STAT2: variants seen among roughly 807,000 people sequenced by gnomAD.
The protein encoded by STAT2 is signal transducer and activator of transcription 2.
Under a neutral mutation model 122.3 loss-of-function variants are expected in STAT2, and 51 were observed. The observed-to-expected ratio is 0.42, with a 90% CI of 0.33 to 0.53. The LOEUF is 0.53. STAT2 is among the 20% of genes least tolerant of loss of function. STAT2 has a pLI of 0.10. For synonymous variants in STAT2, 351 were observed against 394.9 expected (o/e 0.89, Z 1.32); for missense variants, 736 against 1,010.3 (o/e 0.73, Z 3.68).
Position 56,351,397 on chromosome 12 carries a change from A to G in STAT2, c.836T>C (p.Leu279Pro). 6.2e-7 allele frequency: 1 copy of G among 1,614,106 alleles called. No individual in the cohort carries two copies. Among genetic ancestry groups the G allele is most frequent in the Non-Finnish European group, 8.5e-7 (1 of 1,180,024 alleles). The change falls in exon 9 of 24, where the codon CTG becomes CCG. Residue 279 changes from leucine to proline, a missense_variant. Physicochemically the swap from Leu to Pro is moderately conservative, Grantham distance 98. Coordinates refer to ENST00000314128, the MANE Select transcript of STAT2 (RefSeq NM_005419.4). Reference protein sequence around the residue: ...LFHLRQLLKELKGLSCLVSYQ... With the variant: ...LFHLRQLLKEPKGLSCLVSYQ... The stretch of plus-strand genomic sequence containing the variant: ...GCTAACCAGGCAACTCAGTCCCTTC[A>G]GCTCCTTCAGCAGCTGCCTCAGGTG...
rs1449393986 is a variant in STAT2 at position 56,355,368 on chromosome 12, AC to A, written c.472-18del. On this transcript the variant is annotated intron_variant, in intron 5 of 23. Coordinates refer to ENST00000314128, the MANE Select transcript of STAT2 (RefSeq NM_005419.4). The stretch of plus-strand genomic sequence containing the variant: ...TACCAGCTTCTGCAGAGGGGAGAGG[AC>A]CCCGATGAGGCTGCTTCTCAGGGAG... 2 of 1,613,974 alleles carry A rather than the reference AC, an allele frequency of 1.2e-6. No individual in the cohort carries two copies. Among genetic ancestry groups the A allele is most frequent in the East Asian group, 2.2e-5 (1 of 44,878 alleles).
At chr12:56,344,641 C>T (rs1238386987) in intron 22 of STAT2, among the ~76,000 whole-genome samples, 3 of 152,262 alleles carry the variant, frequency 2.0e-5, no homozygotes, top group East Asian at 1.9e-4. Flanking sequence ...GAGGCTGAGG[C>T]GGGCAGATCA....
chr12:56,348,895 G>C lies in STAT2; in HGVS notation c.1576+29C>G, dbSNP rs1332746120. On this transcript the variant is annotated intron_variant, in intron 17 of 23. Coordinates refer to ENST00000314128, the MANE Select transcript of STAT2 (RefSeq NM_005419.4). ...AGGGACAGAAAAGACTAAGGCTGGG[G>C]AAAGGCTGAGAGAAAAGGAAATCTG... 8 of 1,613,308 alleles carry C rather than the reference G, an allele frequency of 5.0e-6. No homozygotes were observed. In the Admixed American group the frequency reaches 1.2e-4, roughly 24 times the overall value.
intron 22 of STAT2, 58 bp downstream of exon 22, chr12:56,346,088 T>A: frequency 1.9e-6 from 3 of 1,613,026 alleles, no homozygotes; most frequent in Non-Finnish European, 2.5e-6. Context: ...CTTTTGACGA[T>A]TCACTGAAGC....
chr12:56,353,301 A>T (rs919772175), intron 8 of STAT2, among the ~76,000 whole-genome samples: 7 of 147,050 alleles, frequency 4.8e-5, no homozygotes, highest in East Asian at 2.0e-4. Flanking sequence ...TAAAAAACAA[A>T]TTTTTTTTTT....
chr12:56,356,636 A>C, intron 1 of STAT2, 58 bp from the exon 2 acceptor site: 2 of 1,587,806 alleles, frequency 1.3e-6, no homozygotes, highest in Non-Finnish European at 1.7e-6. Context: ...AATCATCCAT[A>C]GTTTCATGAT....
In STAT2 at chr12:56,341,778, G is replaced by T. The variant is rs1441422546; in HGVS notation, c.*1611C>A. 1.3e-5 allele frequency: 2 copies of T among 152,190 alleles called. No individual in the cohort carries two copies. Among genetic ancestry groups the T allele is most frequent in the Non-Finnish European group, 2.9e-5 (2 of 68,046 alleles). The allele number at this position is 152,190 out of a possible 1,614,324, so 9.4% of individuals were successfully genotyped here. A position where few individuals can be genotyped will look rare whatever the true frequency, so the allele number is the denominator to read the frequency against. On this transcript the variant is annotated 3_prime_UTR_variant, in exon 24 of 24. Coordinates refer to ENST00000314128, the MANE Select transcript of STAT2 (RefSeq NM_005419.4). ...GTCAGTTGCCCCCTGGGGTTCCCTG[G>T]GAATAGCTAAGGTGTGAGATTGTCC...
At chr12:56,355,091 T>A (rs1030055041) in intron 6 of STAT2, 185 bp downstream of exon 6, 14 of 734,374 alleles carry the variant, frequency 1.9e-5, no homozygotes, top group African/African-American at 1.8e-4. Context: ...ACATTTACTG[T>A]CTCTCAGCTG....
intron 8 of STAT2, 97 bp downstream of exon 8, chr12:56,354,369 G>A (rs983247463): frequency 1.3e-6 from 2 of 1,563,122 alleles, no homozygotes; most frequent in Middle Eastern, 2.3e-4. Context: ...GGGGAGCAGA[G>A]ACAAATAGAG....
Position 56,348,983 on chromosome 12 carries a change from G to A in STAT2, c.1517C>T (p.Ser506Phe). 3 of 1,613,970 alleles carry A rather than the reference G, an allele frequency of 1.9e-6. No homozygotes were observed. The highest frequency in any genetic ancestry group is 2.5e-6 in the Non-Finnish European group (3 of 1,179,960). ...TGAGTTGAGGCCTCGGCCAACATAG[G>A]AGGAGAACTGCCAACTGAGAGCAGG... is the stretch of plus-strand genomic sequence containing the variant. Reference protein sequence around the residue: ...LGPALSWQFSSYVGRGLNSDQ... With the variant: ...LGPALSWQFSFYVGRGLNSDQ... The change falls in exon 17 of 24, where the codon TCC becomes TTC. Residue 506 changes from serine (S) to phenylalanine (F), a missense_variant. Transcript: ENST00000314128.
At chr12:56,344,273 G>A (rs781411465) in intron 22 of STAT2, 138 bp from the exon 23 acceptor site, 5 of 1,285,846 alleles carry the variant, frequency 3.9e-6, no homozygotes, top group Non-Finnish European at 5.2e-6. Context: ...CAGGCCTCCT[G>A]GAGTTTGAAT....
In STAT2 at chr12:56,343,341, G is replaced by T. The variant is rs1396798381; in HGVS notation, c.*48C>A. 1.3e-6 allele frequency: 2 copies of T among 1,590,440 alleles called. No individual in the cohort carries two copies. Among genetic ancestry groups the T allele is most frequent in the Non-Finnish European group, 1.7e-6 (2 of 1,165,264 alleles). ...CTTGGAGAACAATATCATGCTATGA[G>T]GAGTAGGAAGGGCAAGAGATATGAA... On this transcript the variant is annotated 3_prime_UTR_variant, in exon 24 of 24. Coordinates refer to ENST00000314128, the MANE Select transcript of STAT2 (RefSeq NM_005419.4).
chr12:56,357,565 T>G (rs539460907), intron 1 of STAT2, among the ~76,000 whole-genome samples: 1 of 152,166 alleles, frequency 6.6e-6, no homozygotes, highest in Admixed American at 6.5e-5. Context: ...CAGGATGGTC[T>G]CGATCTCCTG....
intron 8 of STAT2, among the ~76,000 whole-genome samples, chr12:56,354,018 T>A (rs11171811): frequency 0.046 from 1,570 of 34,446 alleles, 130 homozygotes; most frequent in African/African-American, 0.19. Context: ...AAAAAAAAAA[T>A]ATATATATAT....
chr12:56,348,648 A>C, intron 18 of STAT2, 25 bp from the exon 19 acceptor site: 2 of 1,614,190 alleles, frequency 1.2e-6, no homozygotes, highest in African/African-American at 1.3e-5. Flanking sequence ...GAAAGGTAGC[A>C]AAAGCTGAGG....
Position 56,343,446 on chromosome 12 carries a change from G to A in STAT2, c.2499C>T (p.Tyr833=), listed in dbSNP as rs373532574. 10 of 1,614,014 alleles carry A rather than the reference G, an allele frequency of 6.2e-6. No individual in the cohort carries two copies. In the East Asian group the frequency reaches 6.7e-5, roughly 11 times the overall value. ...LAGQNTVDEV[Y]VSRPSHFYTD... ...TGTAGAAGTGGCTGGGGCGGGAGAC[G>A]TAAACCTCATCCACGGTGTTCTGGC... is the stretch of plus-strand genomic sequence containing the variant. Residue 833 remains tyrosine (Y), a synonymous_variant, in exon 24 of 24, where the codon TAC becomes TAT. Transcript: ENST00000314128.
Position 56,348,819 on chromosome 12 carries a change from G to A in STAT2, c.1577-15C>T, listed in dbSNP as rs1877959845. 6.2e-7 allele frequency: 1 copy of A among 1,614,212 alleles called. No homozygotes were observed. Among genetic ancestry groups the A allele is most frequent in the African/African-American group, 1.3e-5 (1 of 75,050 alleles). On this transcript the variant is annotated splice_polypyrimidine_tract_variant and intron_variant, in intron 17 of 23. Coordinates refer to ENST00000314128, the MANE Select transcript of STAT2 (RefSeq NM_005419.4). ...ACAGTTCTGCCCTGTGGGACAGATA[G>A]CCACAGACAGATGATGAGGGAAGCC...
chr12:56,356,671 GT>G, intron 1 of STAT2, 93 bp from the exon 2 acceptor site: 1 of 1,435,604 alleles, frequency 7.0e-7, no homozygotes, highest in Non-Finnish European at 9.3e-7. Context: ...AATTTAAAAT[GT>G]TTAAATTATA....
In STAT2 at chr12:56,350,084, A is replaced by C. The variant is rs749306852; in HGVS notation, c.1209+13T>G. 6.2e-7 allele frequency: 1 copy of C among 1,600,622 alleles called. No individual in the cohort carries two copies. The highest frequency in any genetic ancestry group is 1.1e-5 in the South Asian group (1 of 90,796). ...AAATAGTAATAAAAGCATAGGTCAC[A>C]AACTATTCTTACCAGGTAACCAAAG... On this transcript the variant is annotated intron_variant, in intron 13 of 23. Transcript: ENST00000314128.
Sources: gnomAD v4.1 joint callset for allele counts (sites outside exome capture counted in the v4.1 genomes callset) on GRCh38, gnomAD v4.1.1 for gene constraint, MANE v1.5 for transcripts, NCBI Gene and HGNC (gene_info 2026-07-23, HGNC 2026-07-21) for gene names.